MLLT3: variants seen among roughly 807,000 people sequenced by gnomAD.
MLLT3 encodes MLLT3 super elongation complex subunit.
In MLLT3, 4 loss-of-function variants were observed where a neutral mutation model predicts 53.2. That is an observed-to-expected ratio of 0.08 (90% CI 0.04 to 0.17). The LOEUF (loss-of-function observed/expected upper bound fraction) is 0.17, where lower values mean the gene tolerates loss of function less well. Among genes scored for constraint, MLLT3 ranks in the 10% least tolerant of loss-of-function variants. MLLT3 has a pLI of 1.00. For synonymous variants in MLLT3, 283 were observed against 230.6 expected (o/e 1.23, Z -2.06); for missense variants, 569 against 684.0 (o/e 0.83, Z 1.87).
rs1266452797 is a variant in MLLT3, at chr9:20,599,763, G to GTATA, written c.193+20887_193+20890dup. On this transcript the variant is annotated intron_variant, in intron 2 of 10. Coordinates refer to ENST00000380338, the MANE Select transcript of MLLT3 (RefSeq NM_004529.4). The stretch of plus-strand genomic sequence containing the variant: ...TTCTGACACCAACACAGGACAATAG[G>GTATA]TATATACTTGGACTGTCCTCAGCAA... 6.6e-5 allele frequency among the ~76,000 whole-genome samples: 10 copies of GTATA among 152,230 alleles called. No individual in the cohort carries two copies. In the East Asian group the frequency reaches 1.9e-3, roughly 29 times the overall value.
At chr9:20,458,490 G>A (rs1319286744) in intron 2 of MLLT3, among the ~76,000 whole-genome samples, 1 of 152,180 alleles carries the variant, frequency 6.6e-6, no homozygotes, top group Non-Finnish European at 1.5e-5. Context: ...CGAACTGAAT[G>A]TTTGTATTCC....
chr9:20,498,266 A>AAAAAAAAAAG (rs760352616), intron 2 of MLLT3, among the ~76,000 whole-genome samples: 1 of 98,346 alleles, frequency 1.0e-5, no homozygotes, highest in Non-Finnish European at 2.1e-5. Flanking sequence ...AAAAAAAAAA[A>AAAAAAAAAAG]GTTCTTCTAG....
intron 2 of MLLT3, among the ~76,000 whole-genome samples, chr9:20,614,171 G>C (rs906813359): frequency 1.3e-5 from 2 of 152,170 alleles, no homozygotes; most frequent in African/African-American, 4.8e-5. Context: ...AAGGCGGGAG[G>C]ATCACCTGAG....
intron 2 of MLLT3, among the ~76,000 whole-genome samples, chr9:20,542,558 G>C (rs1164044336): frequency 6.6e-6 from 1 of 152,132 alleles, no homozygotes; most frequent in Non-Finnish European, 1.5e-5. Context: ...ATTTTTAAAG[G>C]AGTCTTTTTT....
intron 2 of MLLT3, among the ~76,000 whole-genome samples, chr9:20,488,574 C>T (rs938902421): frequency 7.9e-5 from 12 of 152,036 alleles, no homozygotes; most frequent in Non-Finnish European, 1.8e-4. Context: ...ACAAATGAAG[C>T]AAATATAATA....
Position 20,354,894 on chromosome 9 carries a change from G to A in MLLT3, c.1432-15C>T. 4 of 1,597,280 alleles carry A rather than the reference G, an allele frequency of 2.5e-6. No individual in the cohort carries two copies. Among genetic ancestry groups the A allele is most frequent in the Non-Finnish European group, 3.4e-6 (4 of 1,165,312 alleles). ...ACTTCAAGAATCTAGGGATCAAAGA[G>A]AACGCTGTGTTAAATTTTATTTCAA... On this transcript the variant is annotated splice_polypyrimidine_tract_variant and intron_variant, in intron 8 of 10. Coordinates refer to ENST00000380338, the MANE Select transcript of MLLT3 (RefSeq NM_004529.4).
At chr9:20,521,203 TG>T (rs1294543037) in intron 2 of MLLT3, among the ~76,000 whole-genome samples, 1 of 152,082 alleles carries the variant, frequency 6.6e-6, no homozygotes, top group Non-Finnish European at 1.5e-5. Context: ...CCCTAGCAGC[TG>T]GGACTTCAGG....
chr9:20,354,269 G>C (rs957816413), intron 9 of MLLT3, among the ~76,000 whole-genome samples: 1 of 152,182 alleles, frequency 6.6e-6, no homozygotes, highest in African/African-American at 2.4e-5. Context: ...TCAGACTCAC[G>C]AGTCTTTGTT....
At chr9:20,464,432 C>A (rs552050690) in intron 2 of MLLT3, among the ~76,000 whole-genome samples, 5 of 151,958 alleles carry the variant, frequency 3.3e-5, no homozygotes, top group Non-Finnish European at 7.4e-5. Flanking sequence ...ACTTAATAAA[C>A]TTATATCCAC....
At chr9:20,572,624 T>C (rs899923209) in intron 2 of MLLT3, among the ~76,000 whole-genome samples, 3 of 152,052 alleles carry the variant, frequency 2.0e-5, no homozygotes, top group Admixed American at 2.0e-4. Flanking sequence ...TGAAACCCCA[T>C]CTCTACTAAA....
At chr9:20,549,220 A>T (rs1268775392) in intron 2 of MLLT3, among the ~76,000 whole-genome samples, 1 of 152,194 alleles carries the variant, frequency 6.6e-6, no homozygotes, top group Non-Finnish European at 1.5e-5. Context: ...AAATTATAAG[A>T]TTCCTTGGCA....
chr9:20,368,328 CTCT>C (rs1348171250), intron 5 of MLLT3, among the ~76,000 whole-genome samples: 1 of 152,144 alleles, frequency 6.6e-6, no homozygotes, highest in Non-Finnish European at 1.5e-5. Context: ...CTCCAAGTTG[CTCT>C]TTTCAGCCAT....
intron 2 of MLLT3, among the ~76,000 whole-genome samples, chr9:20,477,726 C>G (rs776440428): frequency 6.6e-6 from 1 of 152,112 alleles, no homozygotes; most frequent in Non-Finnish European, 1.5e-5. Context: ...CTCCTATACT[C>G]CAGGGAGATA....
intron 2 of MLLT3, among the ~76,000 whole-genome samples, chr9:20,531,890 T>C (rs972955480): frequency 2.6e-5 from 4 of 152,138 alleles, no homozygotes; most frequent in African/African-American, 9.6e-5. Context: ...TGTTATTTAA[T>C]ATAAACTAAA....
At chr9:20,510,014 T>C (rs192066147) in intron 2 of MLLT3, among the ~76,000 whole-genome samples, 89 of 152,294 alleles carry the variant, frequency 5.8e-4, no homozygotes, top group African/African-American at 2.1e-3. Context: ...GAAAATGTTT[T>C]ATAAACCCTA....
chr9:20,583,333 A>G (rs1453602682), intron 2 of MLLT3, among the ~76,000 whole-genome samples: 1 of 152,060 alleles, frequency 6.6e-6, no homozygotes, highest in Non-Finnish European at 1.5e-5. Flanking sequence ...GCTAGTGTTA[A>G]GTGTCTGTGG....
At chr9:20,394,687 T>C (rs1046957233) in intron 5 of MLLT3, among the ~76,000 whole-genome samples, 4 of 152,080 alleles carry the variant, frequency 2.6e-5, no homozygotes, top group Non-Finnish European at 5.9e-5. Flanking sequence ...AGTCACAAAG[T>C]GTTAGACACT....
chr9:20,444,826 T>C (rs1024845737), intron 4 of MLLT3, among the ~76,000 whole-genome samples: 10 of 149,986 alleles, frequency 6.7e-5, no homozygotes, highest in Non-Finnish European at 7.5e-5. Context: ...GAGCCATGAC[T>C]GCACCACTGC....
intron 2 of MLLT3, among the ~76,000 whole-genome samples, chr9:20,459,310 A>G (rs1472895531): frequency 6.6e-6 from 1 of 152,172 alleles, no homozygotes; most frequent in Admixed American, 6.5e-5. Context: ...AAAAACGAAA[A>G]CGTGAAAAGA....
Sources: allele counts gnomAD v4.1 joint callset (sites outside exome capture counted in the v4.1 genomes callset), GRCh38; gene constraint gnomAD v4.1.1; transcripts MANE v1.5; gene names NCBI Gene and HGNC (gene_info 2026-07-23, HGNC 2026-07-21).